ELP4: variants seen among roughly 807,000 people sequenced by gnomAD.
The protein encoded by ELP4 is elongator complex protein 4.
A neutral mutation model predicts 48.9 loss-of-function variants in ELP4; 51 were observed. The ratio of observed to expected loss-of-function variants is 1.04; its 90% CI spans 0.83 to 1.32. The LOEUF is 1.32. ELP4 is among the 40% of genes most tolerant of loss of function. The pLI is 0.00. For synonymous variants in ELP4, 210 were observed against 189.2 expected, an observed-to-expected ratio of 1.11 and a Z score of -0.90; for missense variants, 519 against 514.6, an observed-to-expected ratio of 1.01 and a Z score of -0.08.
intron 9 of ELP4, among the ~76,000 whole-genome samples, chr11:31,674,183 C>T (rs1592212116): frequency 6.6e-6 from 1 of 152,136 alleles, no homozygotes; most frequent in African/African-American, 2.4e-5. Context: ...GAACAATAGA[C>T]AAAATCTGTG....
chr11:31,695,772 A>G (rs1053238045), intron 9 of ELP4, among the ~76,000 whole-genome samples: 5 of 125,280 alleles, frequency 4.0e-5, no homozygotes, highest in African/African-American at 1.5e-4. Context: ...CTCTGGTAGA[A>G]TTCGGCTGTG....
chr11:31,646,319 T>G (rs1945196984), intron 7 of ELP4: 1 of 151,820 alleles, frequency 6.6e-6, no homozygotes, highest in South Asian at 2.1e-4. Flanking sequence ...GCTGAAACAT[T>G]CCTTGTATAA....
At chr11:31,741,889 G>A (rs1947460503) in intron 9 of ELP4, among the ~76,000 whole-genome samples, 1 of 152,198 alleles carries the variant, frequency 6.6e-6, no homozygotes, top group African/African-American at 2.4e-5. Context: ...GAACAAAGCT[G>A]GACAGAGAAT....
intron 6 of ELP4, among the ~76,000 whole-genome samples, chr11:31,630,190 T>A (rs1428239548): frequency 6.6e-6 from 1 of 150,970 alleles, no homozygotes; most frequent in African/African-American, 2.4e-5. Flanking sequence ...GTCCTTAGAG[T>A]CAGGAAGTTT....
At chr11:31,705,560 C>A (rs2134163449) in intron 9 of ELP4, among the ~76,000 whole-genome samples, 1 of 152,246 alleles carries the variant, frequency 6.6e-6, no homozygotes, top group South Asian at 2.1e-4. Context: ...GGTTCAGAAT[C>A]TTTTTATTTT....
chr11:31,747,032 A>G (rs995172908), intron 9 of ELP4, among the ~76,000 whole-genome samples: 1 of 129,040 alleles, frequency 7.7e-6, no homozygotes, highest in African/African-American at 3.5e-5. Flanking sequence ...CCAGACTAAC[A>G]CTGTGTGTGT....
At chr11:31,581,843 C>G (rs1287906650) in intron 3 of ELP4, among the ~76,000 whole-genome samples, 2 of 151,858 alleles carry the variant, frequency 1.3e-5, no homozygotes, top group Non-Finnish European at 2.9e-5. Context: ...ATCCTCCACC[C>G]CCTGGCCTCA....
chr11:31,735,632 G>A (rs1947295113), intron 9 of ELP4, among the ~76,000 whole-genome samples: 1 of 152,040 alleles, frequency 6.6e-6, no homozygotes, highest in South Asian at 2.1e-4. Flanking sequence ...CAAAGTCTCA[G>A]GATACAAAAT....
At chr11:31,712,980 C>A (rs1405909843) in intron 9 of ELP4, among the ~76,000 whole-genome samples, 1 of 152,132 alleles carries the variant, frequency 6.6e-6, no homozygotes, top group African/African-American at 2.4e-5. Context: ...TTGTAATATT[C>A]TCTCTTCATG....
At chr11:31,690,786 G>GT (rs1239518822) in intron 9 of ELP4, among the ~76,000 whole-genome samples, 5 of 128,634 alleles carry the variant, frequency 3.9e-5, no homozygotes, top group South Asian at 2.5e-4. Flanking sequence ...TTTCATGTGG[G>GT]TTTTTTTTCC....
At chr11:31,699,677 A>G (rs77509874) in intron 9 of ELP4, among the ~76,000 whole-genome samples, 2,814 of 152,196 alleles carry the variant, frequency 0.018, 93 homozygotes, top group African/African-American at 0.063. Flanking sequence ...CTTATGCACT[A>G]CTAGTTAGTT....
At chr11:31,741,205 A>G (rs867963040) in intron 9 of ELP4, among the ~76,000 whole-genome samples, 107 of 152,290 alleles carry the variant, frequency 7.0e-4, no homozygotes, top group African/African-American at 1.1e-3. Flanking sequence ...GGCGCCCGCC[A>G]TAGCCGAGTT....
At chr11:31,543,823 A>G (rs1011210836) in intron 3 of ELP4, among the ~76,000 whole-genome samples, 5 of 152,240 alleles carry the variant, frequency 3.3e-5, no homozygotes, top group East Asian at 1.9e-4. Context: ...TCAGAATTCT[A>G]TACTCAGCAA....
intron 9 of ELP4, among the ~76,000 whole-genome samples, chr11:31,730,055 C>A (rs1947152445): frequency 6.6e-6 from 1 of 152,126 alleles, no homozygotes; most frequent in Admixed American, 6.5e-5. Flanking sequence ...AATCCAGAAA[C>A]CAGTTAGGAT....
intron 7 of ELP4, chr11:31,634,039 A>G (rs1449241879): frequency 2.0e-5 from 3 of 152,080 alleles, no homozygotes; most frequent in Non-Finnish European, 2.9e-5. Flanking sequence ...CCCTTTGCAA[A>G]GACAACTATA....
chr11:31,621,685 A>G (rs1205502257), intron 5 of ELP4, among the ~76,000 whole-genome samples: 1 of 151,876 alleles, frequency 6.6e-6, no homozygotes, highest in Non-Finnish European at 1.5e-5. Flanking sequence ...TGTACCAAGT[A>G]CATTGTAAGT....
chr11:31,510,250 A>G (rs1333479956), intron 1 of ELP4: 3 of 566,282 alleles, frequency 5.3e-6, no homozygotes, highest in Non-Finnish European at 9.5e-6. Context: ...ACCCCTTTTC[A>G]TATTACGGAG....
At chr11:31,629,036 ACT>A (rs1944806268) in intron 6 of ELP4, among the ~76,000 whole-genome samples, 1 of 152,046 alleles carries the variant, frequency 6.6e-6, no homozygotes, top group African/African-American at 2.4e-5. Flanking sequence ...ATAGAAATAG[ACT>A]CTAAGGAACA....
intron 9 of ELP4, among the ~76,000 whole-genome samples, chr11:31,696,759 G>A (rs960443598): frequency 6.6e-6 from 1 of 152,072 alleles, no homozygotes; most frequent in Non-Finnish European, 1.5e-5. Context: ...CAACTAATGA[G>A]CAAAATAGTC....
Sources: gnomAD v4.1 joint callset for allele counts (sites outside exome capture counted in the v4.1 genomes callset) on GRCh38, gnomAD v4.1.1 for gene constraint, MANE v1.5 for transcripts, NCBI Gene and HGNC (gene_info 2026-07-23, HGNC 2026-07-21) for gene names.